GPR160: variants seen among roughly 807,000 people sequenced by gnomAD.
The protein encoded by GPR160 is G protein-coupled receptor 160.
In GPR160, 2 loss-of-function variants were observed where a neutral mutation model predicts 2.6. The observed-to-expected ratio is 0.77, with a 90% CI of 0.32 to 2.44. The LOEUF (loss-of-function observed/expected upper bound fraction) is 2.44. GPR160 is among the 30% of genes most tolerant of loss of function. The pLI is 0.11. For synonymous variants in GPR160, 130 were observed against 132.2 expected (o/e 0.98, Z 0.12); for missense variants, 351 against 383.6 (o/e 0.91, Z 0.71).
intron 2 of GPR160, among the ~76,000 whole-genome samples, chr3:170,072,326 C>T (rs959573577): frequency 6.6e-6 from 1 of 152,148 alleles, no homozygotes; most frequent in Non-Finnish European, 1.5e-5. Context: ...CCACCTGCCT[C>T]AGCCTTCCAA....
chr3:170,080,983 G>A (rs1384841587), intron 3 of GPR160, among the ~76,000 whole-genome samples: 1 of 152,220 alleles, frequency 6.6e-6, no homozygotes, highest in African/African-American at 2.4e-5. Flanking sequence ...TTACAGGCAT[G>A]AGCCACGGCC....
At chr3:170,077,091 T>TA (rs1712892247) in intron 2 of GPR160, 1 of 152,168 alleles carries the variant, frequency 6.6e-6, no homozygotes, top group Non-Finnish European at 1.5e-5. Flanking sequence ...AAACAGTATG[T>TA]AAAACCCCTG....
chr3:170,054,097 TTG>T (rs35080259), intron 2 of GPR160, among the ~76,000 whole-genome samples: 12 of 150,272 alleles, frequency 8.0e-5, no homozygotes, highest in South Asian at 2.1e-4. Flanking sequence ...AAAGCAGCGT[TTG>T]TGTGTGTGTG....
intron 2 of GPR160, among the ~76,000 whole-genome samples, chr3:170,075,809 TC>T (rs1249007664): frequency 1.3e-5 from 2 of 152,176 alleles, no homozygotes; most frequent in Non-Finnish European, 2.9e-5. Flanking sequence ...AAATCATCTA[TC>T]CCCTACCTTG....
intron 2 of GPR160, among the ~76,000 whole-genome samples, chr3:170,068,740 A>G (rs959713844): frequency 4.6e-5 from 7 of 152,192 alleles, no homozygotes; most frequent in Admixed American, 4.6e-4. Context: ...CCTGAAAACA[A>G]TGAGTTTTTA....
At chr3:170,083,277 G>A (rs145642244) in intron 3 of GPR160, 7 of 151,624 alleles carry the variant, frequency 4.6e-5, no homozygotes, top group Admixed American at 3.9e-4. Context: ...CTGTATTCTC[G>A]TCTCTCCACA....
chr3:170,078,577 C>G (rs1221761342), intron 2 of GPR160, among the ~76,000 whole-genome samples: 1 of 152,104 alleles, frequency 6.6e-6, no homozygotes, highest in Non-Finnish European at 1.5e-5. Context: ...GCCGCTAGCC[C>G]GTTTATGAAA....
intron 2 of GPR160, chr3:170,077,062 CT>C (rs1460500825): frequency 6.6e-6 from 1 of 152,168 alleles, no homozygotes; most frequent in African/African-American, 2.4e-5. Context: ...CCTTTTATGA[CT>C]GTTGTTAAGA....
intron 2 of GPR160, among the ~76,000 whole-genome samples, chr3:170,054,989 TCAC>T (rs1228612198): frequency 6.6e-6 from 1 of 152,172 alleles, no homozygotes; most frequent in Non-Finnish European, 1.5e-5. Flanking sequence ...AGACAGGGTT[TCAC>T]CATGTTGGCC....
intron 2 of GPR160, among the ~76,000 whole-genome samples, chr3:170,064,765 G>A (rs887433754): frequency 1.3e-5 from 2 of 151,916 alleles, no homozygotes; most frequent in Non-Finnish European, 2.9e-5. Context: ...TCATCCGCCC[G>A]CCTCGGCCTT....
In GPR160 at chr3:170,084,436, T is replaced by C; in HGVS notation, c.464T>C (p.Leu155Ser). The change falls in exon 4 of 4, where the codon TTG (leucine) becomes TCG (serine). Residue 155 changes from leucine to serine, a missense_variant. Coordinates refer to ENST00000355897, the MANE Select transcript of GPR160 (RefSeq NM_014373.3). Reference sequence around the variant, plus strand: ...TGGATTTCAGTCCTTGCTTATGTTTTGGGAGACCCAGCCATCTACCAAAGC... The same window carrying C: ...TGGATTTCAGTCCTTGCTTATGTTTCGGGAGACCCAGCCATCTACCAAAGC... ...LIWISVLAYV[L>S]GDPAIYQSLK... 1 of 1,612,306 alleles carries C rather than the reference T, an allele frequency of 6.2e-7. No homozygotes were observed. Among genetic ancestry groups the C allele is most frequent in the Non-Finnish European group, 8.5e-7 (1 of 1,178,384 alleles).
intron 2 of GPR160, among the ~76,000 whole-genome samples, chr3:170,075,209 C>T (rs1172247236): frequency 6.6e-6 from 1 of 152,098 alleles, no homozygotes; most frequent in Non-Finnish European, 1.5e-5. Context: ...GCCTGGGCAA[C>T]AAGAGCGAAA....
chr3:170,065,936 T>C (rs1712305517), intron 2 of GPR160, among the ~76,000 whole-genome samples: 1 of 151,894 alleles, frequency 6.6e-6, no homozygotes, highest in Non-Finnish European at 1.5e-5. Flanking sequence ...AACTTTTTTT[T>C]TTAAGAGATG....
chr3:170,042,667 A>C (rs985651117), intron 2 of GPR160, among the ~76,000 whole-genome samples: 34 of 144,124 alleles, frequency 2.4e-4, no homozygotes, highest in African/African-American at 8.8e-4. Context: ...CATCTCTACA[A>C]AAAAAAAAAA....
Position 170,041,298 on chromosome 3 carries a change from ATT to A in GPR160, c.-193+2275_-193+2276del, listed in dbSNP as rs764849488. On this transcript the variant is annotated intron_variant, in intron 2 of 3. Coordinates refer to ENST00000355897, the MANE Select transcript of GPR160 (RefSeq NM_014373.3). ...ATTCACTAGTCTAAAGGATGTAAAGATTTTTTTTTTTTTTTTTTTTTGAGACG... is the reference window on the plus strand; with the variant it reads ...ATTCACTAGTCTAAAGGATGTAAAGATTTTTTTTTTTTTTTTTTTGAGACG... Among the ~76,000 whole-genome samples the A allele has an allele frequency of 4.7e-3, 571 of 120,830 alleles. 1 individual carries two copies. Among genetic ancestry groups the A allele is most frequent in the Admixed American group, 8.4e-3 (92 of 10,980 alleles). 79.3% of individuals were successfully genotyped at this position (120,830 alleles called of 152,430 possible).
chr3:170,066,115 A>ATTTCTTT lies in GPR160; in HGVS notation c.-192-13657_-192-13656insTCTTTTT, dbSNP rs1553768609. On this transcript the variant is annotated intron_variant, in intron 2 of 3. Coordinates refer to ENST00000355897, the MANE Select transcript of GPR160 (RefSeq NM_014373.3). ...TATATATAGAAGATTACTTGACACT[A>ATTTCTTT]TTCTTTTTCTTTTTCTTTTTTTTTT... 3.0e-5 allele frequency among the ~76,000 whole-genome samples: 3 copies of ATTTCTTT among 99,110 alleles called. No homozygotes were observed. In the East Asian group the frequency reaches 8.9e-4, roughly 29 times the overall value. The allele number at this position is 99,110 out of a possible 152,430, so 65.0% of individuals were successfully genotyped here. A position where few individuals can be genotyped will look rare whatever the true frequency, so the allele number is the denominator to read the frequency against.
chr3:170,054,801 T>C (rs1013950149), intron 2 of GPR160, among the ~76,000 whole-genome samples: 3 of 151,900 alleles, frequency 2.0e-5, no homozygotes, highest in Non-Finnish European at 4.4e-5. Context: ...TCTTTTCTTT[T>C]TTTTTTTTTT....
At chr3:170,040,610 A>T (rs1716406746) in intron 2 of GPR160, among the ~76,000 whole-genome samples, 1 of 152,232 alleles carries the variant, frequency 6.6e-6, no homozygotes, top group East Asian at 1.9e-4. Context: ...AAAACGTGTT[A>T]GCAGTTTTTC....
At chr3:170,079,058 C>A (rs1456547848) in intron 2 of GPR160, among the ~76,000 whole-genome samples, 1 of 152,240 alleles carries the variant, frequency 6.6e-6, no homozygotes, top group East Asian at 1.9e-4. Flanking sequence ...GCATGCATTA[C>A]TGCTCCCTGA....
Sources: allele counts gnomAD v4.1 joint callset (sites outside exome capture counted in the v4.1 genomes callset), GRCh38; gene constraint gnomAD v4.1.1; transcripts MANE v1.5; gene names NCBI Gene and HGNC (gene_info 2026-07-23, HGNC 2026-07-21).